Variants in ZNF800 observed in about 807,000 individuals in gnomAD.
The protein encoded by ZNF800 is zinc finger protein 800.
ZNF800 carries 13 observed loss-of-function variants against 59.5 expected under a neutral mutation model. The observed-to-expected ratio is 0.22, with a 90% CI of 0.14 to 0.35. The LOEUF is 0.35. Among genes scored for constraint, ZNF800 ranks in the 10% least tolerant of loss-of-function variants. The probability of loss-of-function intolerance (pLI) is 1.00; values close to 1 mark genes in which losing one functional copy is unlikely to be tolerated. For synonymous variants in ZNF800, 266 were observed against 265.7 expected (o/e 1.00, Z -0.01); for missense variants, 621 against 783.7 (o/e 0.79, Z 2.48).
downstream of ZNF800, among the ~76,000 whole-genome samples, chr7:127,365,874 T>C (rs1457150064): frequency 6.6e-6 from 1 of 152,114 alleles, no homozygotes; most frequent in African/African-American, 2.4e-5. Context: ...AGCTAAGTGC[T>C]AGAAAGTATT....
At position 127,392,101 on chromosome 7, in the gene ZNF800, A is replaced by C. The variant is rs1020362494; in HGVS notation, c.-100T>G. ...GCCGGCGGGCGGGCGGAAGGAAGGA[A>C]GGCAGGCCGGGCGGCCGCGGGGACA... On this transcript the variant is annotated 5_prime_UTR_variant, in exon 1 of 6. Transcript: ENST00000265827. The C allele has an allele frequency of 4.8e-5, 19 of 392,764 alleles. No individual in the cohort carries two copies. The highest frequency in any genetic ancestry group is 8.5e-5 in the Non-Finnish European group (19 of 222,530). 24.3% of individuals were successfully genotyped at this position (392,764 alleles called of 1,614,324 possible). A position where few individuals can be genotyped will look rare whatever the true frequency, so the allele number is the denominator to read the frequency against.
chr7:127,345,303 C>CT (rs1037928725), downstream of ZNF800, among the ~76,000 whole-genome samples: 164 of 151,732 alleles, frequency 1.1e-3, no homozygotes, highest in Non-Finnish European at 2.0e-3. Flanking sequence ...AGACCCCCCC[C>CT]CCAAAGGTAA....
At chr7:127,353,746 T>G (rs1309945496) in intron 1 of ZNF800, among the ~76,000 whole-genome samples, 1 of 152,160 alleles carries the variant, frequency 6.6e-6, no homozygotes, top group Non-Finnish European at 1.5e-5. Flanking sequence ...TTGTCTTTTG[T>G]GACACAATTT....
intron 5 of ZNF800, chr7:127,372,617 A>T: frequency 2.0e-6 from 2 of 984,776 alleles, no homozygotes; most frequent in Non-Finnish European, 2.4e-6. Context: ...AAAGTTTATT[A>T]AAAAGAGAGG....
intron 3 of ZNF800, among the ~76,000 whole-genome samples, chr7:127,382,201 A>C (rs1455020172): frequency 6.6e-6 from 1 of 152,200 alleles, no homozygotes; most frequent in African/African-American, 2.4e-5. Context: ...ATTAAAGACC[A>C]GTCTTGAATA....
At chr7:127,373,176 A>T (rs1800678321) in intron 5 of ZNF800, 166 bp downstream of exon 5, 10 of 985,452 alleles carry the variant, frequency 1.0e-5, no homozygotes, top group Non-Finnish European at 1.1e-5. Flanking sequence ...AATAAAGGTC[A>T]CTGAAGAGGT....
Position 127,391,621 on chromosome 7 carries a change from G to T in ZNF800, c.-58-6C>A. On this transcript the variant is annotated splice_polypyrimidine_tract_variant and splice_region_variant and intron_variant, in intron 1 of 5. Transcript: ENST00000265827. Reference sequence around the variant, plus strand: ...AGCTCTTCATTGCGGCGTGGCTGTTGAAAGAAGCACAAACCCGTCACTCGC... The same window carrying T: ...AGCTCTTCATTGCGGCGTGGCTGTTTAAAGAAGCACAAACCCGTCACTCGC... The T allele has an allele frequency of 6.7e-7, 1 of 1,498,614 alleles. No individual in the cohort carries two copies. Among genetic ancestry groups the T allele is most frequent in the Non-Finnish European group, 9.3e-7 (1 of 1,075,878 alleles). 92.8% of individuals were successfully genotyped at this position (1,498,614 alleles called of 1,614,324 possible).
In ZNF800 at chr7:127,391,554, G is replaced by C. The variant is rs767960209; in HGVS notation, c.4C>G (p.Pro2Ala). 8.1e-6 allele frequency: 13 copies of C among 1,614,084 alleles called. No homozygotes were observed. Among genetic ancestry groups the C allele is most frequent in the African/African-American group, 4.0e-5 (3 of 75,034 alleles). The stretch of plus-strand genomic sequence containing the variant: ...GTCTGACAGTATTTGTCCCTTAAAG[G>C]CATTTTCAGTGGACTCGACCTACTT... M[P>A]LRDKYCQTDH... Residue 2 changes from proline (P) to alanine (A), a missense_variant, in exon 2 of 6, where the codon CCT (proline) becomes GCT (alanine). Pro to Ala is a conservative substitution (Grantham distance 27). Coordinates refer to ENST00000265827, the MANE Select transcript of ZNF800 (RefSeq NM_176814.5).
chr7:127,373,250 T>A, intron 5 of ZNF800, 92 bp downstream of exon 5: 1 of 1,510,554 alleles, frequency 6.6e-7, no homozygotes, highest in Non-Finnish European at 8.8e-7. Flanking sequence ...AGCAAACGTG[T>A]TAAAATGGAA....
At chr7:127,345,273 T>C (rs1800036911), downstream of ZNF800, among the ~76,000 whole-genome samples, 1 of 151,182 alleles carries the variant, frequency 6.6e-6, no homozygotes, top group Non-Finnish European at 1.5e-5. Flanking sequence ...TCTTCCTTTA[T>C]ACATTCTAGT....
intron 2 of ZNF800, 42 bp from the exon 3 acceptor site, chr7:127,386,197 A>G: frequency 7.9e-7 from 1 of 1,257,898 alleles, no homozygotes; most frequent in East Asian, 2.3e-5. Flanking sequence ...CCACAAAAAA[A>G]GGGTTATTTA....
At chr7:127,380,596 T>C (rs952028546) in intron 3 of ZNF800, among the ~76,000 whole-genome samples, 1 of 152,192 alleles carries the variant, frequency 6.6e-6, no homozygotes, top group African/African-American at 2.4e-5. Context: ...CATTTTCTGA[T>C]TGCTCTGCTC....
rs534353866 is a variant in ZNF800, at chr7:127,386,458, A to G, written c.62-303T>C. 3.3e-5 allele frequency among the ~76,000 whole-genome samples: 5 copies of G among 152,352 alleles called. No homozygotes were observed. The South Asian group carries it at 1.0e-3, about 32-fold the overall frequency. On this transcript the variant is annotated intron_variant, in intron 2 of 5. Transcript: ENST00000265827. ...ACTATTTTGGTATTATTTAGTATACATTCTTCATGTTTGCCTTTTTATTCC... is the reference window on the plus strand; with the variant it reads ...ACTATTTTGGTATTATTTAGTATACGTTCTTCATGTTTGCCTTTTTATTCC...
Position 127,391,398 on chromosome 7 carries a change from G to A in ZNF800, c.61+99C>T, listed in dbSNP as rs185670008. On this transcript the variant is annotated intron_variant, in intron 2 of 5. Coordinates refer to ENST00000265827, the MANE Select transcript of ZNF800 (RefSeq NM_176814.5). ...CTAGGGAATATCATAGCCTGCTTAA[G>A]AATGACTACTGGGGCAGGAGGAAAA... 4.7e-4 allele frequency: 559 copies of A among 1,177,486 alleles called. 1 individual carries two copies. The African/African-American group carries it at 7.7e-3, about 16-fold the overall frequency. The allele number at this position is 1,177,486 out of a possible 1,614,324, so 72.9% of individuals were successfully genotyped here.
chr7:127,376,257 T>C (rs1315364263), intron 4 of ZNF800, among the ~76,000 whole-genome samples: 2 of 151,952 alleles, frequency 1.3e-5, no homozygotes, highest in Non-Finnish European at 2.9e-5. Flanking sequence ...TATTTGGAGA[T>C]TGCATTTCAT....
downstream of ZNF800, among the ~76,000 whole-genome samples, chr7:127,367,591 T>A (rs1198717799): frequency 6.6e-6 from 1 of 152,016 alleles, no homozygotes; most frequent in Non-Finnish European, 1.5e-5. Context: ...TTATTAGCTA[T>A]TACTAAGAAT....
At chr7:127,349,029 A>G (rs975963556) in intron 1 of ZNF800, among the ~76,000 whole-genome samples, 33 of 152,256 alleles carry the variant, frequency 2.2e-4, no homozygotes, top group African/African-American at 7.7e-4. Context: ...TTGTGACATT[A>G]TATCTTATTT....
downstream of ZNF800, among the ~76,000 whole-genome samples, chr7:127,365,752 T>C (rs1024215718): frequency 2.0e-5 from 3 of 152,162 alleles, no homozygotes; most frequent in Non-Finnish European, 4.4e-5. Context: ...CTTAATAAAC[T>C]TCTGTGTATC....
intron 1 of ZNF800, among the ~76,000 whole-genome samples, chr7:127,391,838 A>G (rs539839286): frequency 1.3e-5 from 2 of 152,060 alleles, no homozygotes; most frequent in Non-Finnish European, 2.9e-5. Context: ...TGCGCAGCGC[A>G]GGGCGAAGGC....
Sources: gnomAD v4.1 joint callset for allele counts (sites outside exome capture counted in the v4.1 genomes callset) on GRCh38, gnomAD v4.1.1 for gene constraint, MANE v1.5 for transcripts, NCBI Gene and HGNC (gene_info 2026-07-23, HGNC 2026-07-21) for gene names.